The following UPF2 variants were observed in gnomAD, a reference collection of about 807,000 sequenced individuals.
UPF2 encodes UPF2 regulator of nonsense mediated mRNA decay, also known as regulator of nonsense transcripts 2.
A neutral mutation model predicts 141.4 loss-of-function variants in UPF2; 17 were observed. The ratio of observed to expected loss-of-function variants is 0.12; its 90% CI spans 0.08 to 0.18. The LOEUF (loss-of-function observed/expected upper bound fraction) is 0.18, where lower values mean the gene tolerates loss of function less well. Ranked by LOEUF, UPF2 falls within the 10% of genes least tolerant of loss-of-function variation. The pLI, the probability that UPF2 is intolerant of heterozygous loss-of-function variation, is 1.00. For synonymous variants in UPF2, 540 were observed against 498.0 expected (o/e 1.08, Z -1.12); for missense variants, 1,152 against 1,515.9 (o/e 0.76, Z 3.99).
At chr10:12,006,164 G>A (rs890412522) in intron 4 of UPF2, among the ~76,000 whole-genome samples, 1 of 152,212 alleles carries the variant, frequency 6.6e-6, no homozygotes, top group African/African-American at 2.4e-5. Flanking sequence ...ACAGGCATGC[G>A]TGACCACGCT....
rs1484984910 is a variant in UPF2 at position 12,014,983 on chromosome 10, C to T, written c.1146-799G>A. On this transcript the variant is annotated intron_variant, in intron 3 of 21. Transcript: ENST00000357604. The surrounding 1 kb of genome is among the most constrained non-coding windows in gnomAD (Gnocchi z 5.0). ...CAAGAATACACCAATAAGCCCCTAA[C>T]TACAAATGCAAAACTACTGAAAACA... Among the ~76,000 whole-genome samples the T allele has an allele frequency of 6.6e-6, 1 of 152,186 alleles. No homozygotes were observed. The highest frequency in any genetic ancestry group is 2.4e-5 in the African/African-American group (1 of 41,456).
chr10:11,960,192 C>T (rs1833217328), intron 11 of UPF2, among the ~76,000 whole-genome samples: 3 of 152,146 alleles, frequency 2.0e-5, no homozygotes, highest in South Asian at 4.1e-4. Flanking sequence ...CTTTAAACAG[C>T]ACTCCTAATT....
intron 18 of UPF2, among the ~76,000 whole-genome samples, chr10:11,937,492 AGAAT>A (rs1341455088): frequency 1.3e-5 from 2 of 152,218 alleles, no homozygotes; most frequent in African/African-American, 4.8e-5. Context: ...GGCACATTTG[AGAAT>A]GTTAAAGACT....
At chr10:11,974,263 T>C (rs1441448154) in intron 9 of UPF2, among the ~76,000 whole-genome samples, 1 of 152,172 alleles carries the variant, frequency 6.6e-6, no homozygotes, top group Non-Finnish European at 1.5e-5. Flanking sequence ...CTTATCAGCT[T>C]AAGGAGATTT....
At chr10:11,987,798 GATATA>G (rs992502299) in intron 8 of UPF2, among the ~76,000 whole-genome samples, 2 of 137,790 alleles carry the variant, frequency 1.5e-5, no homozygotes, top group African/African-American at 5.4e-5. Context: ...AAGGCTAAAG[GATATA>G]ATGATAGTGT....
At chr10:12,010,251 T>C (rs1483942235) in intron 4 of UPF2, among the ~76,000 whole-genome samples, 1 of 151,750 alleles carries the variant, frequency 6.6e-6, no homozygotes, top group Non-Finnish European at 1.5e-5. Context: ...GCCAAAGAAG[T>C]AGAAAAATGA....
chr10:11,926,757 G>A (rs1279995866), intron 21 of UPF2, among the ~76,000 whole-genome samples: 1 of 152,194 alleles, frequency 6.6e-6, no homozygotes, highest in Non-Finnish European at 1.5e-5. Flanking sequence ...GCCTCCCACT[G>A]CCAGCTGTGA....
intron 6 of UPF2, among the ~76,000 whole-genome samples, chr10:12,001,073 T>TA (rs1428552422): frequency 6.6e-6 from 1 of 152,192 alleles, no homozygotes; most frequent in Non-Finnish European, 1.5e-5. Context: ...CAGAAAAGTG[T>TA]AAGTATCTTT....
intron 4 of UPF2, 97 bp from the exon 5 acceptor site, chr10:12,004,824 C>T: frequency 8.2e-7 from 1 of 1,223,206 alleles, no homozygotes; most frequent in East Asian, 2.4e-5. Flanking sequence ...TCTATTGAAT[C>T]TTGAGTGTTT....
At chr10:11,955,743 A>C (rs1212507276) in intron 13 of UPF2, among the ~76,000 whole-genome samples, 1 of 152,244 alleles carries the variant, frequency 6.6e-6, no homozygotes, top group Admixed American at 6.5e-5. Context: ...TTTAGCTATC[A>C]TTACATGAAT....
chr10:11,955,577 C>G, intron 13 of UPF2, 70 bp from the exon 14 acceptor site: 1 of 1,425,230 alleles, frequency 7.0e-7, no homozygotes. Context: ...TTAAACTTGT[C>G]TCTGTAACTT....
chr10:11,934,945 C>T (rs2131158034), intron 19 of UPF2, among the ~76,000 whole-genome samples: 1 of 152,106 alleles, frequency 6.6e-6, no homozygotes, highest in South Asian at 2.1e-4. Flanking sequence ...AAGTAGTATA[C>T]TGCTCAAGTA....
intron 2 of UPF2, among the ~76,000 whole-genome samples, chr10:12,030,481 AG>A (rs1834499204): frequency 6.6e-6 from 1 of 151,954 alleles, no homozygotes; most frequent in Admixed American, 6.6e-5. Context: ...CTGATGCTGC[AG>A]TAAGCCAAGA....
rs988945465 is a variant in UPF2 at position 11,920,624 on chromosome 10, C to G, written c.*674G>C. On this transcript the variant is annotated 3_prime_UTR_variant, in exon 22 of 22. Coordinates refer to ENST00000357604, the MANE Select transcript of UPF2 (RefSeq NM_015542.4). ...ATAGTAAAATAGTCTCCACATTTTT[C>G]TTTTACCTTAATAGGCAATTTTATA... is the stretch of plus-strand genomic sequence containing the variant. The G allele has an allele frequency of 5.1e-6, 1 of 197,040 alleles. No homozygotes were observed. Among genetic ancestry groups the G allele is most frequent in the African/African-American group, 2.3e-5 (1 of 42,662 alleles). The allele number at this position is 197,040 out of a possible 1,614,324, so 12.2% of individuals were successfully genotyped here. A position where few individuals can be genotyped will look rare whatever the true frequency, so the allele number is the denominator to read the frequency against.
At position 12,042,496 on chromosome 10, in the gene UPF2, T is replaced by G. The variant is rs1470647846; in HGVS notation, c.-19+259A>C. On this transcript the variant is annotated intron_variant, in intron 1 of 21. Coordinates refer to ENST00000357604, the MANE Select transcript of UPF2 (RefSeq NM_015542.4). This position sits in a 1 kb window ranked among gnomAD's most constrained non-coding sequence, Gnocchi z 5.5. ...AGTCTCGAGGCCCGGCCCAGGCATG[T>G]GGGGCAGGCACCTCCTCCACCGCCC... Among the ~76,000 whole-genome samples, 1 of 152,062 alleles carries G rather than the reference T, an allele frequency of 6.6e-6. No individual in the cohort carries two copies. The highest frequency in any genetic ancestry group is 1.5e-5 in the Non-Finnish European group (1 of 67,988).
At chr10:11,981,173 A>T (rs77922591) in intron 8 of UPF2, among the ~76,000 whole-genome samples, 1,564 of 151,970 alleles carry the variant, frequency 0.01, 26 homozygotes, top group African/African-American at 0.035. Flanking sequence ...AAAAAGATTT[A>T]AAAAAAAATT....
At chr10:12,033,818 G>A (rs538292914) in intron 2 of UPF2, among the ~76,000 whole-genome samples, 101 of 152,164 alleles carry the variant, frequency 6.6e-4, no homozygotes, top group African/African-American at 2.4e-3. Flanking sequence ...CAAAGGGCTG[G>A]GTTTACAGGC....
chr10:12,038,378 T>TCACTCACACA (rs71380802), intron 1 of UPF2, among the ~76,000 whole-genome samples: 3,418 of 135,888 alleles, frequency 0.025, 70 homozygotes, highest in Non-Finnish European at 0.034. Flanking sequence ...AGACTCCATC[T>TCACTCACACA]CACACACACA....
chr10:11,995,072 T>C lies in UPF2; in HGVS notation c.1844+2600A>G, dbSNP rs904224096. On this transcript the variant is annotated intron_variant, in intron 8 of 21. Transcript: ENST00000357604. The stretch of plus-strand genomic sequence containing the variant: ...AACAATCGGAATATGATGTGCCTAA[T>C]TCTTCGTAAGAAGACATGAAGTGCT... 6.6e-5 allele frequency among the ~76,000 whole-genome samples: 10 copies of C among 150,810 alleles called. No individual in the cohort carries two copies. In the South Asian group the frequency reaches 2.1e-3, roughly 32 times the overall value.
Sources: allele counts gnomAD v4.1 joint callset (sites outside exome capture counted in the v4.1 genomes callset), GRCh38; gene constraint gnomAD v4.1.1; non-coding constraint Gnocchi (gnomAD v3.1); transcripts MANE v1.5; gene names NCBI Gene and HGNC (gene_info 2026-07-23, HGNC 2026-07-21).